Variants in ADRA1A observed in about 807,000 individuals in gnomAD.
The protein encoded by ADRA1A is adrenoceptor alpha 1A, also known as alpha-1A adrenergic receptor.
A neutral mutation model predicts 29.6 loss-of-function variants in ADRA1A; 31 were observed. That is an observed-to-expected ratio of 1.05 (90% CI 0.79 to 1.41). The LOEUF is 1.41. Among genes scored for constraint, ADRA1A ranks in the 40% most tolerant of loss-of-function variants. The pLI is 0.00. For synonymous variants in ADRA1A, 311 were observed against 254.3 expected (o/e 1.22, Z -2.12); for missense variants, 619 against 601.1 (o/e 1.03, Z -0.31).
intron 2 of ADRA1A, among the ~76,000 whole-genome samples, chr8:26,842,898 CACACACACA>C: frequency 6.6e-6 from 1 of 151,142 alleles, no homozygotes; most frequent in Non-Finnish European, 1.5e-5. Flanking sequence ...CACACACACA[CACACACACA>C]CCACTCAAGG....
At chr8:26,859,234 T>C (rs1296988662) in intron 2 of ADRA1A, 1 of 1,215,414 alleles carries the variant, frequency 8.2e-7, no homozygotes, top group Admixed American at 2.5e-5. Context: ...ATAGTATATT[T>C]ATTCTTCTGC....
intron 2 of ADRA1A, among the ~76,000 whole-genome samples, chr8:26,751,389 G>A (rs368010024): frequency 5.3e-5 from 8 of 152,320 alleles, no homozygotes; most frequent in African/African-American, 1.7e-4. Context: ...TTTATAAACA[G>A]GAGAATTAAT....
At chr8:26,824,892 C>T (rs1050277432) in intron 2 of ADRA1A, among the ~76,000 whole-genome samples, 1 of 152,186 alleles carries the variant, frequency 6.6e-6, no homozygotes, top group African/African-American at 2.4e-5. Context: ...GAAGAAAAGA[C>T]AGCAAGACTC....
chr8:26,813,557 C>G (rs1251061669), intron 2 of ADRA1A, among the ~76,000 whole-genome samples: 1 of 152,024 alleles, frequency 6.6e-6, no homozygotes, highest in Non-Finnish European at 1.5e-5. Context: ...GTCAACCATC[C>G]CTCAGGTGCT....
chr8:26,756,724 C>A, exon 3 of ADRA1A: 1 of 1,614,140 alleles, frequency 6.2e-7, no homozygotes, highest in South Asian at 1.1e-5. Flanking sequence ...CTTCCTTGGG[C>A]AGTAAGGACA....
intron 2 of ADRA1A, among the ~76,000 whole-genome samples, chr8:26,856,569 G>A (rs1463041670): frequency 6.6e-6 from 1 of 152,106 alleles, no homozygotes; most frequent in Non-Finnish European, 1.5e-5. Flanking sequence ...TGGACATTAA[G>A]CCAGCCCCAC....
chr8:26,838,232 C>CT (rs59860353), intron 2 of ADRA1A, among the ~76,000 whole-genome samples: 2 of 152,042 alleles, frequency 1.3e-5, no homozygotes, highest in South Asian at 4.1e-4. Context: ...TGTATTTTTC[C>CT]TTTTTACATT....
In ADRA1A at chr8:26,793,656, GA is replaced by G. The variant is rs560643965; in HGVS notation, c.884-22991del. ...AAGAAATAATATATTTTCAGATGCT[GA>G]AAAAAGTGAAAGCAATTTCAAGTAA... On this transcript the variant is annotated intron_variant, in intron 2 of 2. Transcript: ENST00000380573. Among the ~76,000 whole-genome samples, 332 of 151,960 alleles carry G rather than the reference GA, an allele frequency of 2.2e-3. 3 individuals carry two copies. The highest frequency in any genetic ancestry group is 7.7e-3 in the African/African-American group (321 of 41,506).
At position 26,815,073 on chromosome 8, in the gene ADRA1A, A is replaced by ACT. The variant is rs1809666430; in HGVS notation, c.884-44408_884-44407insAG. Among the ~76,000 whole-genome samples, 18 of 152,322 alleles carry ACT rather than the reference A, an allele frequency of 1.2e-4. No homozygotes were observed. The highest frequency in any genetic ancestry group is 4.1e-4 in the African/African-American group (17 of 41,566). On this transcript the variant is annotated intron_variant, in intron 2 of 2. Coordinates refer to ENST00000380573, the MANE Select transcript of ADRA1A (RefSeq NM_000680.4). The surrounding 1 kb of genome is among the most constrained non-coding windows in gnomAD (Gnocchi z 4.2). ...TTAACTCACTGTAGTAATTTAGAAA[A>ACT]ACATGTTTTATTTCTTTTATTGGTC...
intron 2 of ADRA1A, among the ~76,000 whole-genome samples, chr8:26,749,874 C>T (rs1804849982): frequency 6.6e-6 from 1 of 152,154 alleles, no homozygotes; most frequent in South Asian, 2.1e-4. Context: ...CGATCAGGGC[C>T]CCCCTTCCAG....
At chr8:26,802,346 C>T (rs1387537248) in intron 2 of ADRA1A, among the ~76,000 whole-genome samples, 2 of 151,994 alleles carry the variant, frequency 1.3e-5, no homozygotes, top group Non-Finnish European at 2.9e-5. Flanking sequence ...AACTAATAAC[C>T]GAAATTTATA....
downstream of ADRA1A, among the ~76,000 whole-genome samples, chr8:26,755,682 G>A (rs1219642690): frequency 6.6e-6 from 1 of 152,146 alleles, no homozygotes; most frequent in Admixed American, 6.6e-5. Flanking sequence ...GCCGGCTGAG[G>A]CCCTTCACCA....
At chr8:26,829,751 A>T (rs1810834225) in intron 2 of ADRA1A, among the ~76,000 whole-genome samples, 2 of 152,182 alleles carry the variant, frequency 1.3e-5, no homozygotes, top group Non-Finnish European at 2.9e-5. Context: ...AATGGAATTC[A>T]GAAGGACAAC....
chr8:26,783,713 C>G (rs1437502642), intron 2 of ADRA1A, among the ~76,000 whole-genome samples: 1 of 152,136 alleles, frequency 6.6e-6, no homozygotes, highest in East Asian at 1.9e-4. Context: ...CATTCTATTT[C>G]AAAGATACAT....
intron 2 of ADRA1A, among the ~76,000 whole-genome samples, chr8:26,850,025 C>CAAAAAAAAAACAACA (rs141672591): frequency 1.2e-4 from 14 of 121,590 alleles, no homozygotes; most frequent in South Asian, 5.3e-4. Context: ...GAGAGAAATG[C>CAAAAAAAAAACAACA]AAAAACAAAA....
chr8:26,834,883 T>C (rs1585794375), intron 2 of ADRA1A, among the ~76,000 whole-genome samples: 2 of 152,340 alleles, frequency 1.3e-5, no homozygotes, highest in East Asian at 3.9e-4. Flanking sequence ...ACTTGTTTCC[T>C]GGGATTTTTG....
At chr8:26,847,167 T>A (rs941402129) in intron 2 of ADRA1A, among the ~76,000 whole-genome samples, 4 of 152,054 alleles carry the variant, frequency 2.6e-5, no homozygotes, top group African/African-American at 9.7e-5. Context: ...CATGTATACA[T>A]ATGTAACTAA....
At chr8:26,797,952 A>G (rs901561156) in intron 2 of ADRA1A, among the ~76,000 whole-genome samples, 22 of 151,986 alleles carry the variant, frequency 1.4e-4, no homozygotes, top group African/African-American at 5.1e-4. Context: ...TTTGATTCAG[A>G]TACAAATTCT....
rs1310063298 is a variant in ADRA1A at position 26,864,701 on chromosome 8, C to A, written c.269G>T (p.Gly90Val). Residue 90 changes from glycine (G) to valine (V), a missense_variant, in exon 2 of 3, where the codon GGC becomes GTC. Transcript: ENST00000380573. This position sits in a 1 kb window ranked among gnomAD's most constrained non-coding sequence, Gnocchi z 8.1. ...LPFSAIFEVL[G>V]YWAFGRVFCN... is the part of the protein sequence containing the mutation. Reference sequence around the variant, plus strand: ...GAAGACCCTGCCGAAGGCCCAGTAGCCTAGGACCTCGAAGATGGCGGAGAA... The same window carrying A: ...GAAGACCCTGCCGAAGGCCCAGTAGACTAGGACCTCGAAGATGGCGGAGAA... 1.2e-6 allele frequency: 2 copies of A among 1,614,118 alleles called. No individual in the cohort carries two copies. The highest frequency in any genetic ancestry group is 1.7e-6 in the Non-Finnish European group (2 of 1,180,022).
Sources: gnomAD v4.1 joint callset for allele counts (sites outside exome capture counted in the v4.1 genomes callset) on GRCh38, gnomAD v4.1.1 for gene constraint, Gnocchi (gnomAD v3.1) non-coding constraint, MANE v1.5 for transcripts, NCBI Gene and HGNC (gene_info 2026-07-23, HGNC 2026-07-21) for gene names.